CHD1: variants seen among roughly 807,000 people sequenced by gnomAD.
The protein encoded by CHD1 is chromodomain helicase DNA binding protein 1, also known as ATP-dependent chromatin remodeler CHD1.
A neutral mutation model predicts 224.2 loss-of-function variants in CHD1; 36 were observed. The ratio of observed to expected loss-of-function variants is 0.16; its 90% confidence interval spans 0.12 to 0.21. The LOEUF (loss-of-function observed/expected upper bound fraction) is 0.21, where lower values mean the gene tolerates loss of function less well. Among genes scored for constraint, CHD1 ranks in the 10% least tolerant of loss-of-function variants. The pLI is 1.00. For missense variants in CHD1, 1,378 were observed against 1,994.8 expected (o/e 0.69, Z 5.89); for synonymous variants, 668 against 658.3 (o/e 1.01, Z -0.23).
rs1412702917 is a variant in CHD1 at position 98,860,012 on chromosome 5, T to G, written c.4484A>C (p.Lys1495Thr). 6.4e-7 allele frequency: 1 copy of G among 1,559,436 alleles called. No homozygotes were observed. Among genetic ancestry groups the G allele is most frequent in the Non-Finnish European group, 8.7e-7 (1 of 1,150,558 alleles). The change falls in exon 33 of 36, where the codon AAA becomes ACA. Residue 1495 changes from lysine to threonine, a missense_variant. Physicochemically the swap from Lys to Thr is moderately conservative, Grantham distance 78. This residue lies in a region of CHD1 where 278 missense variants were observed against 298.5 expected (regional missense o/e 0.93). Transcript: ENST00000614616. ...TTTTTTAATAGCATGCTTATATAAT[T>G]TATGTAATTTTCTTGCATCAAATTC... ...FTEFDARKLH[K>T]LYKHAIKKRQ...
At chr5:98,873,044 T>C (rs1749474312) in intron 26 of CHD1, among the ~76,000 whole-genome samples, 1 of 152,098 alleles carries the variant, frequency 6.6e-6, no homozygotes, top group Non-Finnish European at 1.5e-5. Context: ...CCCAGGCTGG[T>C]CTCAAACTCC....
intron 30 of CHD1, 130 bp downstream of exon 30, chr5:98,869,624 A>ACG (rs1003019481): frequency 6.8e-6 from 2 of 292,262 alleles, no homozygotes; most frequent in Non-Finnish European, 1.1e-5. Context: ...GTGCGCGCGC[A>ACG]CACACACACA....
Position 98,856,741 on chromosome 5 carries a change from T to A in CHD1, c.4788-16A>T, listed in dbSNP as rs780143130. On this transcript the variant is annotated splice_polypyrimidine_tract_variant and intron_variant, in intron 35 of 35. Coordinates refer to ENST00000614616, the MANE Select transcript of CHD1 (RefSeq NM_001270.4). The stretch of plus-strand genomic sequence containing the variant: ...ACTGTAATATCTAATAAAGAAAAAT[T>A]GAGAATTTTAGACAAATCATGCAAA... 7 of 1,499,668 alleles carry A rather than the reference T, an allele frequency of 4.7e-6. No homozygotes were observed. The East Asian group carries it at 1.6e-4, about 34-fold the overall frequency. 92.9% of individuals were successfully genotyped at this position (1,499,668 alleles called of 1,614,324 possible). A position where few individuals can be genotyped will look rare whatever the true frequency, so the allele number is the denominator to read the frequency against.
chr5:98,856,864 ACTT>A, intron 35 of CHD1, 139 bp from the exon 36 acceptor site: 1 of 614,512 alleles, frequency 1.6e-6, no homozygotes, highest in Non-Finnish European at 2.8e-6. Flanking sequence ...TATAAAACTT[ACTT>A]AATTAACTCA....
chr5:98,915,692 T>C (rs1186724098), intron 2 of CHD1, among the ~76,000 whole-genome samples: 2 of 152,074 alleles, frequency 1.3e-5, no homozygotes, highest in East Asian at 1.9e-4. Context: ...GTCTAACACA[T>C]AGAGAAATTA....
intron 25 of CHD1, among the ~76,000 whole-genome samples, chr5:98,874,580 C>A (rs984636239): frequency 6.8e-6 from 1 of 147,624 alleles, no homozygotes; most frequent in Non-Finnish European, 1.5e-5. Flanking sequence ...GGTGTGGTGG[C>A]ATGCGCCTGT....
chr5:98,915,565 T>C lies in CHD1; in HGVS notation c.54-10467A>G, dbSNP rs976921918. Among the ~76,000 whole-genome samples, 6 of 152,300 alleles carry C rather than the reference T, an allele frequency of 3.9e-5. No homozygotes were observed. In the East Asian group the frequency reaches 1.2e-3, roughly 29 times the overall value. On this transcript the variant is annotated intron_variant, in intron 2 of 35. Coordinates refer to ENST00000614616, the MANE Select transcript of CHD1 (RefSeq NM_001270.4). The stretch of plus-strand genomic sequence containing the variant: ...ACACTGAAAAGTCACTGAAAAATAG[T>C]TTCCTAACATACATCTAAAATTTAT...
chr5:98,873,459 A>G, intron 26 of CHD1, 134 bp downstream of exon 26: 1 of 647,084 alleles, frequency 1.5e-6, no homozygotes, highest in Non-Finnish European at 2.3e-6. Flanking sequence ...TACCCAGAAT[A>G]GCTTTACTTT....
At position 98,903,919 on chromosome 5, in the gene CHD1, A is replaced by T. The variant is rs749514598; in HGVS notation, c.256-11T>A. ...ACTAGATTTCCAAAACTATAATAGA[A>T]ATATAAACCAGTGAATGAAGAAGTA... On this transcript the variant is annotated splice_polypyrimidine_tract_variant and intron_variant, in intron 3 of 35. Coordinates refer to ENST00000614616, the MANE Select transcript of CHD1 (RefSeq NM_001270.4). The T allele has an allele frequency of 2.0e-6, 3 of 1,515,508 alleles. No homozygotes were observed. In the South Asian group the frequency reaches 3.5e-5, roughly 18 times the overall value. 93.9% of individuals were successfully genotyped at this position (1,515,508 alleles called of 1,614,324 possible).
At chr5:98,893,661 C>A in intron 13 of CHD1, 55 bp from the exon 14 acceptor site, 1 of 1,131,130 alleles carries the variant, frequency 8.8e-7, no homozygotes, top group Non-Finnish European at 1.3e-6. Context: ...CAAATTTAGC[C>A]TTCCCATTTA....
chr5:98,916,466 A>G (rs1752738771), intron 2 of CHD1, among the ~76,000 whole-genome samples: 2 of 143,602 alleles, frequency 1.4e-5, no homozygotes, highest in Admixed American at 1.5e-4. Flanking sequence ...AATCGCTTGA[A>G]CCCGGGAGGC....
chr5:98,907,150 T>C (rs1213218022), intron 2 of CHD1, among the ~76,000 whole-genome samples: 4 of 152,204 alleles, frequency 2.6e-5, no homozygotes, highest in South Asian at 2.1e-4. Flanking sequence ...CTTTAGGCAG[T>C]AGTACTGGCT....
At chr5:98,879,518 C>T (rs1213287976) in intron 23 of CHD1, 34 bp downstream of exon 23, 1 of 1,562,004 alleles carries the variant, frequency 6.4e-7, no homozygotes, top group African/African-American at 1.4e-5. Flanking sequence ...AATACTCTTA[C>T]TTTATAGAAA....
intron 15 of CHD1, among the ~76,000 whole-genome samples, chr5:98,891,881 C>A (rs1036554207): frequency 4.6e-5 from 7 of 152,086 alleles, no homozygotes; most frequent in African/African-American, 1.7e-4. Flanking sequence ...ATTAAATTAT[C>A]CTATTTTTGT....
intron 2 of CHD1, among the ~76,000 whole-genome samples, chr5:98,918,492 G>A (rs1450108996): frequency 6.0e-5 from 9 of 151,120 alleles, no homozygotes; most frequent in Admixed American, 1.3e-4. Context: ...TTCCTGAGCC[G>A]GGCGCGGGAG....
At chr5:98,890,960 A>G (rs1049061530) in intron 15 of CHD1, among the ~76,000 whole-genome samples, 1 of 152,204 alleles carries the variant, frequency 6.6e-6, no homozygotes, top group African/African-American at 2.4e-5. Context: ...GAGTAAACGT[A>G]AAAAAATTTT....
intron 32 of CHD1, among the ~76,000 whole-genome samples, chr5:98,863,136 C>A (rs1748599207): frequency 6.6e-6 from 1 of 151,896 alleles, no homozygotes; most frequent in Non-Finnish European, 1.5e-5. Flanking sequence ...AAGACTTTTT[C>A]AAATAAAATG....
At chr5:98,864,307 A>G (rs1748691633) in intron 31 of CHD1, among the ~76,000 whole-genome samples, 1 of 152,108 alleles carries the variant, frequency 6.6e-6, no homozygotes, top group South Asian at 2.1e-4. Context: ...ATTCACAGAA[A>G]GCAAGCTGGT....
Position 98,900,899 on chromosome 5 carries a change from T to A in CHD1, c.771A>T (p.Glu257Asp), listed in dbSNP as rs1476366524. ...EMKTDSDDLL[E>D]VCGEDVPQPE... ...GTTGAGGAACATCCTCTCCACAGAC[T>A]TCCAGTAGGTCATCAGAATCTGTTT... Residue 257 changes from glutamate (E) to aspartate (D), a missense_variant, in exon 7 of 36, where the codon GAA (glutamate) becomes GAT (aspartate). Coordinates refer to ENST00000614616, the MANE Select transcript of CHD1 (RefSeq NM_001270.4). 1 of 1,614,072 alleles carries A rather than the reference T, an allele frequency of 6.2e-7. No homozygotes were observed. Among genetic ancestry groups the A allele is most frequent in the East Asian group, 2.2e-5 (1 of 44,880 alleles).
Sources: gnomAD v4.1 joint callset for allele counts (sites outside exome capture counted in the v4.1 genomes callset) on GRCh38, gnomAD v4.1.1 for gene constraint, gnomAD v4.1.1 regional missense constraint, MANE v1.5 for transcripts, NCBI Gene and HGNC (gene_info 2026-07-23, HGNC 2026-07-21) for gene names.